XIRP2: variants seen among roughly 807,000 people sequenced by gnomAD.
XIRP2 encodes xin actin binding repeat containing 2.
In XIRP2, 236 loss-of-function variants were observed where a neutral mutation model predicts 277.0. That is an observed-to-expected ratio of 0.85 (90% CI 0.77 to 0.95). The LOEUF is 0.95. XIRP2 is among the 40% of genes least tolerant of loss of function. XIRP2 has a pLI of 0.00. For missense variants in XIRP2, 4,640 were observed against 4,157.5 expected, an observed-to-expected ratio of 1.12 and a Z score of -3.19; for synonymous variants, 1,490 against 1,416.5, an observed-to-expected ratio of 1.05 and a Z score of -1.17.
intron 2 of XIRP2, among the ~76,000 whole-genome samples, chr2:166,974,770 A>G (rs1686667345): frequency 6.6e-6 from 1 of 152,016 alleles, no homozygotes. Context: ...TGCAAGTAAA[A>G]TATACTTAAA....
chr2:167,251,050 A>G lies in XIRP2; in HGVS notation c.9658A>G (p.Thr3220Ala), dbSNP rs759885127. The G allele has an allele frequency of 5.6e-6, 9 of 1,613,512 alleles. No homozygotes were observed. The East Asian group carries it at 2.0e-4, about 36-fold the overall frequency. Reference protein sequence around the residue: ...KRSEIIMSPATLRRQIKIETR... With the variant: ...KRSEIIMSPAALRRQIKIETR... ...GTCTGAAATCATCATGTCTCCTGCA[A>G]CACTTCGTCGTCAAATTAAGATAGA... is the stretch of plus-strand genomic sequence containing the variant. Residue 3220 changes from threonine to alanine, a missense_variant, in exon 9 of 11, where the codon ACA (threonine) becomes GCA (alanine). Coordinates refer to ENST00000409195, the MANE Select transcript of XIRP2 (RefSeq NM_152381.6).
intron 3 of XIRP2, among the ~76,000 whole-genome samples, chr2:167,186,905 GT>G (rs1269113128): frequency 2.0e-5 from 3 of 150,254 alleles, no homozygotes; most frequent in Non-Finnish European, 3.0e-5. Context: ...ACAAACTAAT[GT>G]TTTACATATC....
At chr2:167,099,287 G>C (rs1690420848) in intron 2 of XIRP2, among the ~76,000 whole-genome samples, 1 of 152,160 alleles carries the variant, frequency 6.6e-6, no homozygotes, top group Non-Finnish European at 1.5e-5. Flanking sequence ...AAACTTCCCA[G>C]TGGCTTTGTT....
At position 166,937,180 on chromosome 2, in the gene XIRP2, G is replaced by A. The variant is rs113396066; in HGVS notation, c.408+33290G>A. ...CCCTATCCTGTGCCAGTTTCAAAGG[G>A]AATGCTTCCAGTTTTTTCCCATTCC... On this transcript the variant is annotated intron_variant, in intron 2 of 10. Transcript: ENST00000409195. Among the ~76,000 whole-genome samples, 548 of 152,278 alleles carry A rather than the reference G, an allele frequency of 3.6e-3. 4 individuals are homozygous for A. The highest frequency in any genetic ancestry group is 0.012 in the African/African-American group (501 of 41,546).
Position 167,244,844 on chromosome 2 carries a change from C to T in XIRP2, c.3452C>T (p.Thr1151Ile), listed in dbSNP as rs778609925. 1 of 1,613,676 alleles carries T rather than the reference C, an allele frequency of 6.2e-7. No individual in the cohort carries two copies. The highest frequency in any genetic ancestry group is 8.5e-7 in the Non-Finnish European group (1 of 1,179,746). The part of the protein sequence containing the change: ...DDSETAVKLQ[T>I]VKQEEIQGGD... The stretch of plus-strand genomic sequence containing the variant: ...TCTGAAACAGCAGTCAAATTGCAAA[C>T]TGTAAAACAGGAGGAGATCCAAGGT... Residue 1151 changes from threonine to isoleucine, a missense_variant, in exon 9 of 11, where the codon ACT becomes ATT. Coordinates refer to ENST00000409195, the MANE Select transcript of XIRP2 (RefSeq NM_152381.6).
chr2:167,155,887 A>G (rs1393482985), intron 3 of XIRP2, among the ~76,000 whole-genome samples: 4 of 150,686 alleles, frequency 2.7e-5, no homozygotes, highest in East Asian at 1.9e-4. Flanking sequence ...CTGATAAGCA[A>G]CTTCAGCAAA....
chr2:167,208,318 T>TGAGACG (rs1269103223), intron 3 of XIRP2, among the ~76,000 whole-genome samples: 2 of 152,164 alleles, frequency 1.3e-5, no homozygotes, highest in South Asian at 2.1e-4. Flanking sequence ...CCCTTTTTTT[T>TGAGACG]GAGACGGAGA....
chr2:166,963,379 A>AC (rs1686347573), intron 2 of XIRP2, among the ~76,000 whole-genome samples: 1 of 151,740 alleles, frequency 6.6e-6, no homozygotes, highest in African/African-American at 2.4e-5. Flanking sequence ...TGACAAGTCG[A>AC]CCATTCTCAG....
chr2:167,114,021 G>A (rs1373402036), intron 2 of XIRP2, among the ~76,000 whole-genome samples: 1 of 152,040 alleles, frequency 6.6e-6, no homozygotes, highest in Non-Finnish European at 1.5e-5. Flanking sequence ...GTTTCCCTTT[G>A]TAGGTTATCT....
chr2:167,050,576 G>A (rs963786173), intron 2 of XIRP2, among the ~76,000 whole-genome samples: 1 of 151,978 alleles, frequency 6.6e-6, no homozygotes, highest in African/African-American at 2.4e-5. Context: ...AGGGATGGCA[G>A]TCTACGGGAA....
At position 166,928,173 on chromosome 2, in the gene XIRP2, C is replaced by T. The variant is rs1430369544; in HGVS notation, c.408+24283C>T. The stretch of plus-strand genomic sequence containing the variant: ...TGTAGGGCAGATTATGTAAAATGAG[C>T]GTAGTTAAAGATAAGTTGGCTATTC... On this transcript the variant is annotated intron_variant, in intron 2 of 10. Transcript: ENST00000409195. 2.0e-5 allele frequency among the ~76,000 whole-genome samples: 3 copies of T among 151,926 alleles called. No homozygotes were observed. In the East Asian group the frequency reaches 5.8e-4, roughly 30 times the overall value.
chr2:167,052,591 AC>A (rs1413515630), intron 2 of XIRP2, among the ~76,000 whole-genome samples: 3 of 152,184 alleles, frequency 2.0e-5, no homozygotes, highest in Non-Finnish European at 2.9e-5. Context: ...GATCTACATA[AC>A]AGTACTTTTA....
chr2:167,171,137 TG>T (rs1273069999), intron 3 of XIRP2, among the ~76,000 whole-genome samples: 5 of 152,060 alleles, frequency 3.3e-5, no homozygotes, highest in Admixed American at 6.5e-5. Context: ...TGACCTCAGG[TG>T]ATCTGTCCAC....
intron 2 of XIRP2, among the ~76,000 whole-genome samples, chr2:166,923,314 G>A (rs997259156): frequency 2.0e-5 from 3 of 152,100 alleles, no homozygotes; most frequent in East Asian, 3.9e-4. Context: ...TTGCTCAAAA[G>A]AGCCTGAATA....
chr2:167,247,750 A>C lies in XIRP2; in HGVS notation c.6358A>C (p.Thr2120Pro), dbSNP rs1449049430. The C allele has an allele frequency of 6.2e-7, 1 of 1,613,494 alleles. No individual in the cohort carries two copies. Residue 2120 changes from threonine to proline, a missense_variant, in exon 9 of 11, where the codon ACC (threonine) becomes CCC (proline). Coordinates refer to ENST00000409195, the MANE Select transcript of XIRP2 (RefSeq NM_152381.6). ...TAATTCCATCCAATCTGCTGGTAAA[A>C]CCGTTGGAAAGCAACAGACATATGA... ...VFNSIQSAGK[T>P]VGKQQTYELR... is the part of the protein sequence containing the mutation.
intron 5 of XIRP2, among the ~76,000 whole-genome samples, chr2:167,222,680 T>C (rs1045066209): frequency 6.6e-6 from 1 of 152,110 alleles, no homozygotes; most frequent in Non-Finnish European, 1.5e-5. Flanking sequence ...CAGTCTCCAT[T>C]TGGGAAAAAC....
intron 3 of XIRP2, among the ~76,000 whole-genome samples, chr2:167,157,510 G>A (rs75766332): frequency 0.014 from 2,083 of 152,172 alleles, 54 homozygotes; most frequent in African/African-American, 0.048. Context: ...AAGTATGCAT[G>A]TATAATAGCT....
In XIRP2 at chr2:167,175,660, A is replaced by C. The variant is rs943959460; in HGVS notation, c.563-35075A>C. 9.2e-5 allele frequency among the ~76,000 whole-genome samples: 14 copies of C among 152,246 alleles called. No homozygotes were observed. The East Asian group carries it at 2.7e-3, about 29-fold the overall frequency. On this transcript the variant is annotated intron_variant, in intron 3 of 10. Transcript: ENST00000409195. Reference sequence around the variant, plus strand: ...CAGTCATGTCCCTTAACAGAGCTTGAACGCTGTCCTTGGAGATGCACTACT... The same window carrying C: ...CAGTCATGTCCCTTAACAGAGCTTGCACGCTGTCCTTGGAGATGCACTACT...
chr2:167,195,673 T>C (rs958719362), intron 3 of XIRP2, among the ~76,000 whole-genome samples: 18 of 152,118 alleles, frequency 1.2e-4, no homozygotes, highest in Non-Finnish European at 2.5e-4. Context: ...AACCCAATAG[T>C]TGAAGAGGAA....
Sources: gnomAD v4.1 joint callset for allele counts (sites outside exome capture counted in the v4.1 genomes callset) on GRCh38, gnomAD v4.1.1 for gene constraint, MANE v1.5 for transcripts, NCBI Gene and HGNC (gene_info 2026-07-23, HGNC 2026-07-21) for gene names.